ZNF677: variants seen among roughly 807,000 people sequenced by gnomAD.
ZNF677 encodes the protein zinc finger protein 677, also known as hypothetical protein MGC48625.
A neutral mutation model predicts 8.1 loss-of-function variants in ZNF677; 5 were observed. That is an observed-to-expected ratio of 0.62 (90% CI 0.32 to 1.29). ZNF677 has a LOEUF of 1.29. ZNF677 is among the 50% of genes most tolerant of loss of function. ZNF677 has a pLI of 0.05. For synonymous variants in ZNF677, 221 were observed against 225.6 expected (o/e 0.98, Z 0.18); for missense variants, 685 against 685.9 (o/e 1.00, Z 0.01).
chr19:53,243,761 T>C lies in ZNF677; in HGVS notation c.152A>G (p.Asn51Ser). 6.2e-7 allele frequency: 1 copy of C among 1,614,198 alleles called. No homozygotes were observed. Among genetic ancestry groups the C allele is most frequent in the Non-Finnish European group, 8.5e-7 (1 of 1,180,032 alleles). Reference sequence around the variant, plus strand: ...GTGGTTACCATCTTCTGGAGGGATGTTATCCTCATCGAGAGAAAGCAGGTT... The same window carrying C: ...GTGGTTACCATCTTCTGGAGGGATGCTATCCTCATCGAGAGAAAGCAGGTT... ...YRNLLSLDED[N>S]IPPEDDISVG... is the part of the protein sequence containing the mutation. Residue 51 changes from asparagine (N) to serine (S), a missense_variant, in exon 4 of 5, where the codon AAC (asparagine) becomes AGC (serine). Transcript: ENST00000598513.
intron 3 of ZNF677, among the ~76,000 whole-genome samples, chr19:53,245,988 G>A (rs2091130887): frequency 6.6e-6 from 1 of 151,264 alleles, no homozygotes. Flanking sequence ...TTCCAGCCTG[G>A]GCAACAGAGG....
chr19:53,248,757 A>G (rs1480537476), intron 3 of ZNF677, among the ~76,000 whole-genome samples: 7 of 152,150 alleles, frequency 4.6e-5, no homozygotes, highest in Admixed American at 2.6e-4. Flanking sequence ...CCACAGTTTG[A>G]TTATGTGTCT....
At chr19:53,242,759 G>A (rs1599918726) in intron 4 of ZNF677, 1 of 203,934 alleles carries the variant, frequency 4.9e-6, no homozygotes, top group Non-Finnish European at 9.7e-6. Context: ...AAAGGCCCCA[G>A]CTCTGATCTG....
chr19:53,245,936 G>A (rs574386106), intron 3 of ZNF677, among the ~76,000 whole-genome samples: 1 of 151,880 alleles, frequency 6.6e-6, no homozygotes, highest in Non-Finnish European at 1.5e-5. Context: ...TGTTTGAACC[G>A]GGGAGGCAGC....
intron 3 of ZNF677, among the ~76,000 whole-genome samples, chr19:53,250,443 G>T (rs2965236): frequency 0.43 from 65,482 of 151,956 alleles, 14,555 homozygotes; most frequent in East Asian, 0.75. Context: ...CCCACCAATG[G>T]TGGACTGAAT....
intron 3 of ZNF677, chr19:53,249,360 C>A (rs1197149250): frequency 1.3e-5 from 2 of 152,154 alleles, no homozygotes; most frequent in Non-Finnish European, 2.9e-5. Context: ...GTACAGTTGG[C>A]CTGCTCAGAG....
In ZNF677 at chr19:53,238,250, G is replaced by A. The variant is rs2090997115; in HGVS notation, c.477C>T (p.Phe159=). Residue 159 remains phenylalanine (F), a synonymous_variant, in exon 5 of 5, where the codon TTC becomes TTT. Transcript: ENST00000598513. ...VSIRDSAHQY[F]IHDKPFIRNL... Reference sequence around the variant, plus strand: ...TCCTTATAAATGGCTTGTCATGGATGAAATACTGGTGTGCACTATCTCTTA... The same window carrying A: ...TCCTTATAAATGGCTTGTCATGGATAAAATACTGGTGTGCACTATCTCTTA... 2 of 1,613,902 alleles carry A rather than the reference G, an allele frequency of 1.2e-6. No homozygotes were observed. The highest frequency in any genetic ancestry group is 1.7e-5 in the Admixed American group (1 of 60,004).
chr19:53,239,843 C>T (rs1029543009), intron 4 of ZNF677: 4 of 152,148 alleles, frequency 2.6e-5, no homozygotes, highest in African/African-American at 7.2e-5. Flanking sequence ...CATATCTATC[C>T]CTAACTCACA....
rs537742181 is a variant in ZNF677 at position 53,253,918 on chromosome 19, TCA to T, written c.-126-764_-126-763del. Among the ~76,000 whole-genome samples the T allele has an allele frequency of 2.6e-3, 394 of 152,244 alleles. 1 individual carries two copies. The highest frequency in any genetic ancestry group is 9.0e-3 in the African/African-American group (375 of 41,550). The stretch of plus-strand genomic sequence containing the variant: ...CTGTTTGCAAAAGCAGCATACGGTG[TCA>T]CAGTTTCTTCCCATTTCTTGACTCT... On this transcript the variant is annotated intron_variant, in intron 1 of 4. Transcript: ENST00000598513.
At position 53,243,757 on chromosome 19, in the gene ZNF677, G is replaced by A; in HGVS notation, c.156C>T (p.Ile52=). ...AAGGGTGGTTACCATCTTCTGGAGG[G>A]ATGTTATCCTCATCGAGAGAAAGCA... ...RNLLSLDEDN[I]PPEDDISVGF... is the part of the protein sequence containing the mutation. Residue 52 remains isoleucine, a synonymous_variant, in exon 4 of 5, where the codon ATC becomes ATT. Transcript: ENST00000598513. 6.2e-7 allele frequency: 1 copy of A among 1,614,154 alleles called. No individual in the cohort carries two copies. Among genetic ancestry groups the A allele is most frequent in the Non-Finnish European group, 8.5e-7 (1 of 1,180,022 alleles).
rs1815613402 is a variant in ZNF677 at position 53,238,034 on chromosome 19, A to G, written c.693T>C (p.Pro231=). ...ATTTATTACAAATGTTTTTGACACA[A>G]GGAGGAAGTGGTGAAACTGAGGAAC... The part of the protein sequence containing the change: ...INSSSVSPLP[P]CVKNICNKYR... Residue 231 remains proline (P), a synonymous_variant, in exon 5 of 5, where the codon CCT becomes CCC. Coordinates refer to ENST00000598513, the MANE Select transcript of ZNF677 (RefSeq NM_182609.4). The G allele has an allele frequency of 6.2e-7, 1 of 1,613,826 alleles. No homozygotes were observed. Among genetic ancestry groups the G allele is most frequent in the African/African-American group, 1.3e-5 (1 of 74,920 alleles).
chr19:53,241,585 A>G, intron 4 of ZNF677: 1 of 361,702 alleles, frequency 2.8e-6, no homozygotes, highest in East Asian at 4.0e-5. Context: ...GCTGGCTCCA[A>G]GAGGATGATC....
intron 1 of ZNF677, among the ~76,000 whole-genome samples, chr19:53,253,822 T>C (rs2091273066): frequency 6.6e-6 from 1 of 152,186 alleles, no homozygotes; most frequent in Admixed American, 6.5e-5. Context: ...TTAAGACAAG[T>C]TGAATACACG....
At chr19:53,242,874 G>C (rs1190312151) in intron 4 of ZNF677, 1 of 152,948 alleles carries the variant, frequency 6.5e-6, no homozygotes, top group Non-Finnish European at 1.5e-5. Context: ...AAAATGGTCA[G>C]AGGGGCCAAA....
chr19:53,239,939 C>T (rs2091021924), intron 4 of ZNF677: 1 of 152,214 alleles, frequency 6.6e-6, no homozygotes, highest in African/African-American at 2.4e-5. Flanking sequence ...CACTGGCCAC[C>T]CAGGGCAGCA....
At chr19:53,248,677 A>AT (rs1355711397) in intron 3 of ZNF677, among the ~76,000 whole-genome samples, 5 of 152,132 alleles carry the variant, frequency 3.3e-5, no homozygotes, top group African/African-American at 1.2e-4. Context: ...TTTGGCTCTT[A>AT]ATCTTTTTGA....
intron 4 of ZNF677, chr19:53,240,852 G>A (rs954264904): frequency 1.3e-5 from 2 of 151,914 alleles, no homozygotes; most frequent in Non-Finnish European, 2.9e-5. Flanking sequence ...ATAATGATGT[G>A]TCAATGTAGG....
intron 4 of ZNF677, chr19:53,242,331 C>G (rs942113815): frequency 2.5e-6 from 1 of 398,314 alleles, no homozygotes; most frequent in African/African-American, 2.1e-5. Flanking sequence ...GAGTAGAAAG[C>G]TAGAAAAGGG....
At chr19:53,239,617 CA>C (rs1173087068) in intron 4 of ZNF677, 1 of 151,040 alleles carries the variant, frequency 6.6e-6, no homozygotes, top group Admixed American at 6.6e-5. Flanking sequence ...AAAAAAATTA[CA>C]AAAAAGAAAA....
Sources: allele counts gnomAD v4.1 joint callset (sites outside exome capture counted in the v4.1 genomes callset), GRCh38; gene constraint gnomAD v4.1.1; transcripts MANE v1.5; gene names NCBI Gene and HGNC (gene_info 2026-07-23, HGNC 2026-07-21).